Variants in LEUTX observed in about 807,000 individuals in gnomAD.
The protein encoded by LEUTX is leucine twenty homeobox.
LEUTX carries 5 observed loss-of-function variants against 4.5 expected under a neutral mutation model. That is an observed-to-expected ratio of 1.11 (90% CI 0.58 to 2.34). The LOEUF is 2.34. LEUTX is among the 30% of genes most tolerant of loss of function. The pLI is 0.01. For synonymous variants in LEUTX, 89 were observed against 85.1 expected, an observed-to-expected ratio of 1.05 and a Z score of -0.25; for missense variants, 233 against 239.4, an observed-to-expected ratio of 0.97 and a Z score of 0.18.
At chr19:39,783,418 G>A (rs1354827694) in intron 1 of LEUTX, among the ~76,000 whole-genome samples, 1 of 149,694 alleles carries the variant, frequency 6.7e-6, no homozygotes, top group African/African-American at 2.5e-5. Context: ...GGACATTTGG[G>A]TTGGTTCCAC....
intron 1 of LEUTX, among the ~76,000 whole-genome samples, chr19:39,783,255 TATA>T (rs915931892): frequency 6.8e-6 from 1 of 146,834 alleles, no homozygotes; most frequent in Non-Finnish European, 1.5e-5. Context: ...TTTATATATA[TATA>T]AATTATATAT....
upstream of LEUTX, chr19:39,778,743 A>G (rs1311522494): frequency 6.0e-5 from 9 of 150,894 alleles, no homozygotes; most frequent in Non-Finnish European, 1.2e-4. Flanking sequence ...GGTTCTAAAT[A>G]AACAGATATT....
chr19:39,782,127 G>A (rs1343455973), intron 1 of LEUTX, among the ~76,000 whole-genome samples: 10 of 152,142 alleles, frequency 6.6e-5, no homozygotes, highest in South Asian at 2.1e-4. Flanking sequence ...GTCTATGACC[G>A]GTTAGGATAA....
chr19:39,783,299 A>C (rs1207699463), intron 1 of LEUTX, among the ~76,000 whole-genome samples: 1 of 146,200 alleles, frequency 6.8e-6, no homozygotes, highest in Admixed American at 6.9e-5. Flanking sequence ...ATTATATATA[A>C]TTATATACAA....
Position 39,784,605 on chromosome 19 carries a change from A to G in LEUTX, c.86A>G (p.Lys29Arg). Residue 29 changes from lysine (K) to arginine (R), a missense_variant, in exon 2 of 3, where the codon AAG becomes AGG. Transcript: ENST00000638280. ...QLTALRELLE[K>R]TMHPSLATMG... ...ACAGCATTGAGAGAATTGCTTGAAAAGACCATGCACCCAAGTTTGGCTACA... is the reference window on the plus strand; with the variant it reads ...ACAGCATTGAGAGAATTGCTTGAAAGGACCATGCACCCAAGTTTGGCTACA... The G allele has an allele frequency of 6.4e-7, 1 of 1,550,546 alleles. No homozygotes were observed.
Position 39,786,075 on chromosome 19 carries a change from C to G in LEUTX, c.537C>G (p.Ser179Arg). 6.5e-7 allele frequency: 1 copy of G among 1,550,018 alleles called. No individual in the cohort carries two copies. Reference sequence around the variant, plus strand: ...TGCCAGGGGAAGATGACACCAGCAGCCTAAATCAATATCTTTTTCCAGTAT... The same window carrying G: ...TGCCAGGGGAAGATGACACCAGCAGGCTAAATCAATATCTTTTTCCAGTAT... Reference protein sequence around the residue: ...YDLPGEDDTSSLNQYLFPVCL... With the variant: ...YDLPGEDDTSRLNQYLFPVCL... Residue 179 changes from serine (S) to arginine (R), a missense_variant, in exon 3 of 3, where the codon AGC (serine) becomes AGG (arginine). Transcript: ENST00000638280.
intron 1 of LEUTX, among the ~76,000 whole-genome samples, chr19:39,780,791 A>G (rs1216819720): frequency 6.6e-6 from 1 of 152,054 alleles, no homozygotes; most frequent in Non-Finnish European, 1.5e-5. Context: ...TTCTTGATGT[A>G]TGAGTGCAAT....
Position 39,784,535 on chromosome 19 carries a change from A to T in LEUTX, c.16A>T (p.Arg6Trp). ...ATCTGTTCCCTCTGCAGAAGGGCCAAGGCGTTATCGTCGGCCACGCACAAG... is the reference window on the plus strand; with the variant it reads ...ATCTGTTCCCTCTGCAGAAGGGCCATGGCGTTATCGTCGGCCACGCACAAG... MFEGPRRYRRPRTRFL... is the reference protein window; with the variant it reads MFEGPWRYRRPRTRFL... Residue 6 changes from arginine (R) to tryptophan (W), a missense_variant, in exon 2 of 3, where the codon AGG (arginine) becomes TGG (tryptophan). Coordinates refer to ENST00000638280, the MANE Select transcript of LEUTX (RefSeq NM_001382345.1). 1 of 1,047,034 alleles carries T rather than the reference A, an allele frequency of 9.6e-7. No individual in the cohort carries two copies. Among genetic ancestry groups the T allele is most frequent in the Non-Finnish European group, 1.5e-6 (1 of 686,176 alleles). 64.9% of individuals were successfully genotyped at this position (1,047,034 alleles called of 1,614,324 possible).
intron 1 of LEUTX, 92 bp from the exon 2 acceptor site, chr19:39,784,435 C>A: frequency 1.6e-6 from 1 of 630,888 alleles, no homozygotes; most frequent in Admixed American, 2.4e-5. Flanking sequence ...TGTTCAGATT[C>A]TTTTGTCCCA....
intron 1 of LEUTX, among the ~76,000 whole-genome samples, chr19:39,779,597 C>T (rs1415311226): frequency 6.6e-6 from 1 of 152,072 alleles, no homozygotes; most frequent in Non-Finnish European, 1.5e-5. Context: ...AATATATTCT[C>T]CCAGCCTGGC....
Position 39,785,916 on chromosome 19 carries a change from A to T in LEUTX, c.378A>T (p.Gly126=). 1 of 1,551,802 alleles carries T rather than the reference A, an allele frequency of 6.4e-7. No homozygotes were observed. The highest frequency in any genetic ancestry group is 8.7e-7 in the Non-Finnish European group (1 of 1,147,006). Residue 126 remains glycine (G), a synonymous_variant, in exon 3 of 3, where the codon GGA becomes GGT. Coordinates refer to ENST00000638280, the MANE Select transcript of LEUTX (RefSeq NM_001382345.1). The part of the protein sequence containing the change: ...REPSGIKNPG[G]ASASARVSSW... ...CTTCTGGTATCAAGAATCCTGGAGG[A>T]GCCAGCGCCTCTGCGAGGGTTTCAT...
At chr19:39,778,490 G>A (rs1034634727), upstream of LEUTX, among the ~76,000 whole-genome samples, 1 of 151,946 alleles carries the variant, frequency 6.6e-6, no homozygotes, top group African/African-American at 2.4e-5. Flanking sequence ...AGCCGTCCAC[G>A]CACAGGGCAC....
chr19:39,785,703 G>C lies in LEUTX; in HGVS notation c.165G>C (p.Trp55Cys). The change falls in exon 3 of 3, where the codon TGG becomes TGC. Residue 55 changes from tryptophan (W) to cysteine (C), a missense_variant. Transcript: ENST00000638280. The part of the protein sequence containing the change: ...LQLDLSVVKI[W>C]FKNQRAKWKR... ...CCCCCCTCCTCCCTCCTTAGATCTG[G>C]TTCAAGAACCAGCGTGCCAAATGGA... The C allele has an allele frequency of 6.4e-7, 1 of 1,551,642 alleles. No individual in the cohort carries two copies. Among genetic ancestry groups the C allele is most frequent in the Non-Finnish European group, 8.7e-7 (1 of 1,146,870 alleles).
chr19:39,783,154 C>T (rs1967912271), intron 1 of LEUTX, among the ~76,000 whole-genome samples: 1 of 150,918 alleles, frequency 6.6e-6, no homozygotes, highest in Non-Finnish European at 1.5e-5. Context: ...TCCTGAGTTA[C>T]TTCACTTAGA....
intron 1 of LEUTX, among the ~76,000 whole-genome samples, chr19:39,779,201 C>T (rs369091267): frequency 3.9e-4 from 59 of 152,240 alleles, no homozygotes; most frequent in Middle Eastern, 3.4e-3. Context: ...ATCCTCCCAC[C>T]TCACCCTCAG....
chr19:39,784,681 C>T lies in LEUTX; in HGVS notation c.159+3C>T, dbSNP rs1967938561. The T allele has an allele frequency of 1.9e-6, 3 of 1,550,938 alleles. No individual in the cohort carries two copies. The highest frequency in any genetic ancestry group is 1.4e-5 in the African/African-American group (1 of 73,026). Reference sequence around the variant, plus strand: ...AACTTGATCTATCCGTAGTAAAGGTCTGTTCCCAAGTGTGTCTGTAGGTAG... The same window carrying T: ...AACTTGATCTATCCGTAGTAAAGGTTTGTTCCCAAGTGTGTCTGTAGGTAG... On this transcript the variant is annotated splice_donor_region_variant and intron_variant, in intron 2 of 2. Transcript: ENST00000638280.
intron 1 of LEUTX, among the ~76,000 whole-genome samples, chr19:39,780,458 G>A (rs1353813310): frequency 6.6e-6 from 1 of 151,900 alleles, no homozygotes; most frequent in Non-Finnish European, 1.5e-5. Flanking sequence ...TGCTCATCGT[G>A]GAATGTCTTC....
At chr19:39,778,373 G>C (rs1967830762), upstream of LEUTX, among the ~76,000 whole-genome samples, 1 of 152,110 alleles carries the variant, frequency 6.6e-6, no homozygotes, top group Non-Finnish European at 1.5e-5. Context: ...ATCCATTGCT[G>C]TCTCAACTGG....
At chr19:39,783,543 G>A (rs1282421496) in intron 1 of LEUTX, among the ~76,000 whole-genome samples, 1 of 151,768 alleles carries the variant, frequency 6.6e-6, no homozygotes, top group Non-Finnish European at 1.5e-5. Flanking sequence ...TGGATCGAAT[G>A]GTAGTTCTAC....
Sources: allele counts gnomAD v4.1 joint callset (sites outside exome capture counted in the v4.1 genomes callset), GRCh38; gene constraint gnomAD v4.1.1; transcripts MANE v1.5; gene names NCBI Gene and HGNC (gene_info 2026-07-23, HGNC 2026-07-21).